Variants in C1orf87 observed in about 807,000 individuals in gnomAD.
C1orf87 encodes the protein uncharacterized protein C1orf87.
Under a neutral mutation model 60.5 loss-of-function variants are expected in C1orf87, and 58 were observed. The observed-to-expected ratio is 0.96, with a 90% CI of 0.78 to 1.19. The LOEUF (loss-of-function observed/expected upper bound fraction) is 1.19, where lower values mean the gene tolerates loss of function less well. Ranked by LOEUF, C1orf87 falls within the 50% of genes most tolerant of loss-of-function variation. The probability of loss-of-function intolerance (pLI) is 0.00; values close to 1 mark genes in which losing one functional copy is unlikely to be tolerated. For missense variants in C1orf87, 673 were observed against 638.6 expected, an observed-to-expected ratio of 1.05 and a Z score of -0.58; for synonymous variants, 236 against 227.4, an observed-to-expected ratio of 1.04 and a Z score of -0.34.
intron 6 of C1orf87, among the ~76,000 whole-genome samples, chr1:60,036,901 A>G (rs981193128): frequency 6.6e-6 from 1 of 152,222 alleles, no homozygotes; most frequent in African/African-American, 2.4e-5. Flanking sequence ...TCAGGAGCTG[A>G]CTGACTGAAC....
At chr1:60,006,425 G>A (rs11207565) in intron 9 of C1orf87, among the ~76,000 whole-genome samples, 32,511 of 152,030 alleles carry the variant, frequency 0.21, 4,285 homozygotes, top group Non-Finnish European at 0.3. Flanking sequence ...ACTAGTATGA[G>A]TATTTTTTTC....
chr1:60,035,355 A>C (rs1036215387), intron 6 of C1orf87, among the ~76,000 whole-genome samples: 2 of 152,158 alleles, frequency 1.3e-5, no homozygotes, highest in African/African-American at 4.8e-5. Context: ...TATGGAACCC[A>C]TTTACTGCAG....
intron 9 of C1orf87, among the ~76,000 whole-genome samples, chr1:60,001,516 G>A (rs1441270308): frequency 6.6e-6 from 1 of 152,080 alleles, no homozygotes; most frequent in Admixed American, 6.6e-5. Flanking sequence ...TTCGCAACCT[G>A]AAGGATTGGT....
chr1:60,063,599 T>A (rs1264821403), intron 2 of C1orf87, among the ~76,000 whole-genome samples: 1 of 152,160 alleles, frequency 6.6e-6, no homozygotes, highest in Non-Finnish European at 1.5e-5. Flanking sequence ...CCACAAAAAA[T>A]GGCTTTCCTG....
At chr1:60,001,335 C>T (rs1025730742) in intron 9 of C1orf87, among the ~76,000 whole-genome samples, 179 bp from the exon 10 acceptor site, 3 of 152,030 alleles carry the variant, frequency 2.0e-5, no homozygotes, top group Non-Finnish European at 4.4e-5. Context: ...GATTCCCACC[C>T]TGGTGGACCT....
Position 60,025,465 on chromosome 1 carries a change from G to C in C1orf87, c.1063C>G (p.Leu355Val), listed in dbSNP as rs749524127. 9 of 1,612,964 alleles carry C rather than the reference G, an allele frequency of 5.6e-6. No individual in the cohort carries two copies. In the South Asian group the frequency reaches 9.9e-5, roughly 18 times the overall value. Residue 355 changes from leucine to valine, a missense_variant, in exon 8 of 12, where the codon CTG becomes GTG. Physicochemically the swap from Leu to Val is conservative, Grantham distance 32. Coordinates refer to ENST00000371201, the MANE Select transcript of C1orf87 (RefSeq NM_152377.3). ...AATGTTTCCAGCAGGCTCAGGGTCA[G>C]ATATAATCCATGCTTCCCACATATA... ...RAICGKHGLY[L>V]TLSLLETLLN...
intron 2 of C1orf87, among the ~76,000 whole-genome samples, chr1:60,071,822 A>C (rs964243825): frequency 6.6e-6 from 1 of 152,212 alleles, no homozygotes; most frequent in African/African-American, 2.4e-5. Context: ...TCTGAAATAG[A>C]AGATAGAGCT....
At chr1:59,999,722 T>TGCTTATCTGGGTATAGCTTATA (rs1048871194) in intron 10 of C1orf87, among the ~76,000 whole-genome samples, 7 of 152,150 alleles carry the variant, frequency 4.6e-5, no homozygotes, top group Non-Finnish European at 7.4e-5. Context: ...TTCTAGTTAT[T>TGCTTATCTGGGTATAGCTTATA]GCTTATCTAC....
At chr1:60,043,423 C>T in intron 3 of C1orf87, among the ~76,000 whole-genome samples, 1 of 152,038 alleles carries the variant, frequency 6.6e-6, no homozygotes, top group Non-Finnish European at 1.5e-5. Flanking sequence ...CACTCTGTTG[C>T]CAGGCTGGAG....
intron 9 of C1orf87, among the ~76,000 whole-genome samples, chr1:60,005,205 C>T (rs116256443): frequency 2.1e-3 from 321 of 152,146 alleles, no homozygotes; most frequent in African/African-American, 7.5e-3. Context: ...GAAATCATCC[C>T]CATTTGACAG....
intron 2 of C1orf87, among the ~76,000 whole-genome samples, chr1:60,058,066 T>G (rs1211863829): frequency 6.6e-6 from 1 of 152,194 alleles, no homozygotes; most frequent in Non-Finnish European, 1.5e-5. Context: ...TGACAAATAG[T>G]TTTTTGCAAT....
intron 7 of C1orf87, among the ~76,000 whole-genome samples, chr1:60,032,055 TA>T (rs1645241878): frequency 6.6e-6 from 1 of 152,154 alleles, no homozygotes; most frequent in Non-Finnish European, 1.5e-5. Flanking sequence ...ATTTTAAATA[TA>T]GAAGTTAAAA....
At chr1:60,001,213 A>G (rs1488547320) in intron 9 of C1orf87, 57 bp from the exon 10 acceptor site, 31 of 1,185,958 alleles carry the variant, frequency 2.6e-5, no homozygotes, top group Non-Finnish European at 3.3e-5. Context: ...TTCATTTAAC[A>G]CACACATATA....
chr1:60,044,643 C>T (rs1417302235), intron 3 of C1orf87, among the ~76,000 whole-genome samples: 1 of 152,046 alleles, frequency 6.6e-6, no homozygotes, highest in Non-Finnish European at 1.5e-5. Context: ...GCAGGCTGGG[C>T]TTCAGATTTC....
chr1:60,004,853 G>A (rs1313520562), intron 9 of C1orf87, among the ~76,000 whole-genome samples: 2 of 151,418 alleles, frequency 1.3e-5, no homozygotes, highest in African/African-American at 4.8e-5. Context: ...CGTAGCCAGC[G>A]CTCCTGTCTG....
intron 10 of C1orf87, among the ~76,000 whole-genome samples, chr1:59,999,035 T>C (rs1372507372): frequency 6.6e-6 from 1 of 152,148 alleles, no homozygotes; most frequent in Non-Finnish European, 1.5e-5. Context: ...CCATCTGTGT[T>C]CCCCCAACTT....
At chr1:60,015,178 A>G (rs998166649) in intron 8 of C1orf87, among the ~76,000 whole-genome samples, 4 of 152,056 alleles carry the variant, frequency 2.6e-5, no homozygotes, top group Non-Finnish European at 5.9e-5. Context: ...GGTCTTAGGG[A>G]AGTGATTAGG....
chr1:60,016,797 TC>T (rs1179407888), intron 8 of C1orf87, among the ~76,000 whole-genome samples: 3 of 152,190 alleles, frequency 2.0e-5, no homozygotes, highest in African/African-American at 7.2e-5. Context: ...TCTTTGGTAT[TC>T]ATATCTTACA....
intron 10 of C1orf87, 59 bp from the exon 11 acceptor site, chr1:59,997,875 T>G: frequency 6.5e-6 from 10 of 1,536,166 alleles, no homozygotes; most frequent in South Asian, 1.2e-5. Flanking sequence ...CTCCAATCTC[T>G]TGGCCAAAGA....
Sources: gnomAD v4.1 joint callset for allele counts (sites outside exome capture counted in the v4.1 genomes callset) on GRCh38, gnomAD v4.1.1 for gene constraint, MANE v1.5 for transcripts, NCBI Gene and HGNC (gene_info 2026-07-23, HGNC 2026-07-21) for gene names.